Variants in CADM2 observed in about 807,000 individuals in gnomAD.
CADM2 encodes cell adhesion molecule 2.
Under a neutral mutation model 49.8 loss-of-function variants are expected in CADM2, and 12 were observed. The observed-to-expected ratio is 0.24, with a 90% CI of 0.15 to 0.39. The LOEUF (loss-of-function observed/expected upper bound fraction) is 0.39. Among genes scored for constraint, CADM2 ranks in the 10% least tolerant of loss-of-function variants. The probability of loss-of-function intolerance (pLI) is 1.00; values close to 1 mark genes in which losing one functional copy is unlikely to be tolerated. For missense variants in CADM2, 378 were observed against 492.3 expected, an observed-to-expected ratio of 0.77 and a Z score of 2.20; for synonymous variants, 214 against 175.4, an observed-to-expected ratio of 1.22 and a Z score of -1.74.
intron 1 of CADM2, among the ~76,000 whole-genome samples, chr3:85,153,213 G>A (rs1472901213): frequency 6.6e-6 from 1 of 152,122 alleles, no homozygotes; most frequent in East Asian, 1.9e-4. Context: ...AGTGGGCGCA[G>A]GTCAGTGGGT....
At chr3:85,696,522 A>C (rs2066561976) in intron 1 of CADM2, among the ~76,000 whole-genome samples, 1 of 151,870 alleles carries the variant, frequency 6.6e-6, no homozygotes, top group Admixed American at 6.6e-5. Context: ...ATCGAATAGG[A>C]TTATCTTTTC....
At position 84,965,324 on chromosome 3, in the gene CADM2, G is replaced by A. The variant is rs554797980; in HGVS notation, c.61+5656G>A. On this transcript the variant is annotated intron_variant, in intron 1 of 9. Transcript: ENST00000383699. The stretch of plus-strand genomic sequence containing the variant: ...TGTGATGATGCAAATGGCATCTCAG[G>A]CCTAATGTGCTCTGCAGAGGCCACA... 2.6e-5 allele frequency among the ~76,000 whole-genome samples: 4 copies of A among 152,270 alleles called. No homozygotes were observed. In the East Asian group the frequency reaches 7.7e-4, roughly 29 times the overall value.
chr3:84,994,627 C>G (rs941681252), intron 1 of CADM2, among the ~76,000 whole-genome samples: 2 of 151,936 alleles, frequency 1.3e-5, no homozygotes, highest in Non-Finnish European at 2.9e-5. Context: ...GTTTTCTTAC[C>G]TTAACATTAC....
At chr3:85,228,852 G>T (rs1028025089) in intron 1 of CADM2, among the ~76,000 whole-genome samples, 3 of 152,140 alleles carry the variant, frequency 2.0e-5, no homozygotes, top group African/African-American at 7.2e-5. Context: ...TGAACACTGT[G>T]CTGGGAGAAC....
At chr3:85,069,810 A>G (rs2036656774) in intron 1 of CADM2, among the ~76,000 whole-genome samples, 1 of 152,154 alleles carries the variant, frequency 6.6e-6, no homozygotes, top group Non-Finnish European at 1.5e-5. Context: ...TACAAATATT[A>G]CCACTGTCTT....
intron 1 of CADM2, among the ~76,000 whole-genome samples, chr3:85,052,017 A>G (rs9837914): frequency 0.088 from 13,422 of 152,148 alleles, 1,112 homozygotes; most frequent in Admixed American, 0.26. Flanking sequence ...CCAAATCTGG[A>G]ATTTCACAAT....
intron 5 of CADM2, among the ~76,000 whole-genome samples, chr3:85,891,467 T>C (rs1253728832): frequency 1.3e-5 from 2 of 152,230 alleles, no homozygotes; most frequent in Non-Finnish European, 2.9e-5. Context: ...ATTGTGAATA[T>C]GATGTGATAT....
intron 2 of CADM2, among the ~76,000 whole-genome samples, chr3:85,796,344 T>A (rs2108050350): frequency 6.6e-6 from 1 of 152,230 alleles, no homozygotes; most frequent in African/African-American, 2.4e-5. Flanking sequence ...TCTGATGTGG[T>A]TTTTCGCCTC....
intron 1 of CADM2, among the ~76,000 whole-genome samples, chr3:85,571,522 A>T (rs969282396): frequency 2.0e-5 from 3 of 152,070 alleles, no homozygotes; most frequent in Admixed American, 2.0e-4. Flanking sequence ...ATAAAAAAAG[A>T]AGTTTAAAAT....
chr3:85,439,524 T>C (rs1476958043), intron 1 of CADM2, among the ~76,000 whole-genome samples: 1 of 152,162 alleles, frequency 6.6e-6, no homozygotes, highest in African/African-American at 2.4e-5. Flanking sequence ...TGCAAACAAA[T>C]TCTTCTATTT....
At chr3:85,315,865 ATTAT>A (rs976488842) in intron 1 of CADM2, among the ~76,000 whole-genome samples, 3 of 152,138 alleles carry the variant, frequency 2.0e-5, no homozygotes, top group African/African-American at 7.2e-5. Flanking sequence ...ACAGTAATTC[ATTAT>A]TTAGTGAAGA....
intron 1 of CADM2, among the ~76,000 whole-genome samples, chr3:85,414,274 T>C (rs185108076): frequency 7.2e-5 from 11 of 152,250 alleles, no homozygotes; most frequent in African/African-American, 2.4e-4. Flanking sequence ...AAATCGTCTT[T>C]AACAAAACCA....
intron 1 of CADM2, among the ~76,000 whole-genome samples, chr3:85,537,571 A>G (rs2061452057): frequency 6.6e-6 from 1 of 152,072 alleles, no homozygotes; most frequent in Non-Finnish European, 1.5e-5. Context: ...ATTTCCACAA[A>G]TAGAATCATC....
chr3:84,984,189 C>G (rs1490859558), intron 1 of CADM2, among the ~76,000 whole-genome samples: 2 of 151,724 alleles, frequency 1.3e-5, no homozygotes, highest in Non-Finnish European at 2.9e-5. Context: ...TTATTTTGAA[C>G]TGCCTCCCAT....
chr3:85,968,384 G>A (rs1359795640), intron 8 of CADM2, among the ~76,000 whole-genome samples: 1 of 151,512 alleles, frequency 6.6e-6, no homozygotes, highest in Non-Finnish European at 1.5e-5. Context: ...ACTCAACACA[G>A]AGTTAAGGCT....
intron 1 of CADM2, among the ~76,000 whole-genome samples, chr3:85,413,924 G>A (rs1397145063): frequency 6.6e-6 from 1 of 152,124 alleles, no homozygotes; most frequent in African/African-American, 2.4e-5. Flanking sequence ...CAGTGCAGTG[G>A]TGGGATCTGG....
chr3:85,775,173 T>C (rs931508740), intron 2 of CADM2, among the ~76,000 whole-genome samples: 1 of 151,744 alleles, frequency 6.6e-6, no homozygotes, highest in Non-Finnish European at 1.5e-5. Context: ...TGAGCATCTG[T>C]GTAGAGCAGT....
At chr3:85,167,073 A>G (rs2040489715) in intron 1 of CADM2, among the ~76,000 whole-genome samples, 1 of 152,058 alleles carries the variant, frequency 6.6e-6, no homozygotes, top group Admixed American at 6.6e-5. Context: ...TTTTTCCTAA[A>G]GCCTTTGTCA....
intron 2 of CADM2, among the ~76,000 whole-genome samples, chr3:85,779,950 A>G (rs1040501354): frequency 6.6e-6 from 1 of 152,206 alleles, no homozygotes; most frequent in African/African-American, 2.4e-5. Context: ...TGGTGAAGAT[A>G]TAGATACGAA....
Sources: gnomAD v4.1 joint callset for allele counts (sites outside exome capture counted in the v4.1 genomes callset) on GRCh38, gnomAD v4.1.1 for gene constraint, MANE v1.5 for transcripts, NCBI Gene and HGNC (gene_info 2026-07-23, HGNC 2026-07-21) for gene names.